Variants in NCOR1 observed in about 807,000 individuals in gnomAD.
NCOR1 encodes nuclear receptor corepressor 1, also known as protein phosphatase 1, regulatory subunit 109.
NCOR1 carries 63 observed loss-of-function variants against 288.1 expected under a neutral mutation model. That is an observed-to-expected ratio of 0.22 (90% confidence interval 0.18 to 0.27). The LOEUF is 0.27. Ranked by LOEUF, NCOR1 falls within the 10% of genes least tolerant of loss-of-function variation. The pLI is 1.00. For missense variants in NCOR1, 2,397 were observed against 3,019.2 expected (o/e 0.79, Z 4.83); for synonymous variants, 1,007 against 1,065.9 (o/e 0.94, Z 1.08).
chr17:16,211,263 AT>A (rs34875420), intron 1 of NCOR1, among the ~76,000 whole-genome samples: 68,306 of 147,464 alleles, frequency 0.46, 16,401 homozygotes, highest in Middle Eastern at 0.61. Flanking sequence ...ATTTTTATTT[AT>A]TTTTTTTTTT....
intron 34 of NCOR1, 57 bp from the exon 35 acceptor site, chr17:16,064,244 A>C: frequency 6.5e-7 from 1 of 1,548,838 alleles, no homozygotes; most frequent in Non-Finnish European, 8.7e-7. Flanking sequence ...TGAGTATATC[A>C]AACAATTCCG....
chr17:16,042,811 A>G (rs1427912756), intron 42 of NCOR1, among the ~76,000 whole-genome samples: 1 of 152,192 alleles, frequency 6.6e-6, no homozygotes, highest in Non-Finnish European at 1.5e-5. Flanking sequence ...AATTTTAGAT[A>G]TTTAAGGAGC....
At chr17:16,154,027 T>A (rs944439853) in intron 6 of NCOR1, among the ~76,000 whole-genome samples, 1 of 145,180 alleles carries the variant, frequency 6.9e-6, no homozygotes, top group Non-Finnish European at 1.5e-5. Context: ...TTTTTTTTTT[T>A]TTTTTTTTTT....
chr17:16,133,073 A>G (rs1189274264), intron 14 of NCOR1, among the ~76,000 whole-genome samples: 1 of 151,516 alleles, frequency 6.6e-6, no homozygotes. Context: ...GGTTCAAGCG[A>G]TTTTTCTACC....
intron 29 of NCOR1, 67 bp from the exon 30 acceptor site, chr17:16,071,732 G>A: frequency 1.4e-6 from 2 of 1,445,040 alleles, no homozygotes; most frequent in Non-Finnish European, 1.9e-6. Context: ...ACGGAACTGT[G>A]CACTTAAAAA....
chr17:16,127,294 T>TATGTATGTATATATACATGTATGTATAC (rs2074398544), intron 14 of NCOR1, among the ~76,000 whole-genome samples: 1 of 103,794 alleles, frequency 9.6e-6, no homozygotes, highest in Admixed American at 9.6e-5. Context: ...TGTATATATG[T>TATGTATGTATATATACATGTATGTATAC]ATGTATGTAT....
chr17:16,052,602 A>G (rs1374656403), intron 40 of NCOR1, among the ~76,000 whole-genome samples: 3 of 152,224 alleles, frequency 2.0e-5, no homozygotes, highest in Non-Finnish European at 4.4e-5. Flanking sequence ...AAATTGAGTC[A>G]GTAATAAATA....
intron 22 of NCOR1, 68 bp downstream of exon 22, chr17:16,091,795 C>T: frequency 1.9e-6 from 3 of 1,606,070 alleles, no homozygotes; most frequent in Non-Finnish European, 2.6e-6. Context: ...GCACAATGGA[C>T]ACTGCTTTTG....
intron 32 of NCOR1, among the ~76,000 whole-genome samples, chr17:16,066,848 T>A (rs996481580): frequency 6.6e-6 from 1 of 152,216 alleles, no homozygotes; most frequent in Admixed American, 6.5e-5. Context: ...ACTTTTAAAA[T>A]TTAGCATACT....
chr17:16,171,412 T>C lies in NCOR1; in HGVS notation c.435+391A>G, dbSNP rs142530685. Among the ~76,000 whole-genome samples, 32 of 152,322 alleles carry C rather than the reference T, an allele frequency of 2.1e-4. 1 individual carries two copies. Among genetic ancestry groups the C allele is most frequent in the African/African-American group, 7.2e-4 (30 of 41,566 alleles). The stretch of plus-strand genomic sequence containing the variant: ...TTACCTGGATGTGTTTTCTCCCATA[T>C]AGCAGTTAATAAACTGCTACTAAAT... On this transcript the variant is annotated intron_variant, in intron 4 of 45. Coordinates refer to ENST00000268712, the MANE Select transcript of NCOR1 (RefSeq NM_006311.4).
intron 22 of NCOR1, 69 bp from the exon 23 acceptor site, chr17:16,086,511 A>T: frequency 1.5e-6 from 2 of 1,360,550 alleles, no homozygotes; most frequent in Non-Finnish European, 2.0e-6. Context: ...TACCTCTCTC[A>T]GTCATTCCTG....
At chr17:16,086,034 A>G (rs1362739950) in intron 23 of NCOR1, among the ~76,000 whole-genome samples, 1 of 152,208 alleles carries the variant, frequency 6.6e-6, no homozygotes, top group Non-Finnish European at 1.5e-5. Flanking sequence ...GTGGTATGCC[A>G]AGTGCCAAGT....
At chr17:16,171,633 G>A (rs932301615) in intron 4 of NCOR1, among the ~76,000 whole-genome samples, 170 bp downstream of exon 4, 3 of 152,098 alleles carry the variant, frequency 2.0e-5, no homozygotes, top group African/African-American at 7.2e-5. Context: ...TTAGCAGTCT[G>A]GAGCACTCAT....
At chr17:16,157,211 T>C (rs1034834101) in intron 6 of NCOR1, among the ~76,000 whole-genome samples, 4 of 152,308 alleles carry the variant, frequency 2.6e-5, no homozygotes, top group African/African-American at 9.6e-5. Flanking sequence ...CTGTATATCC[T>C]GGAACACAGC....
chr17:16,047,794 AT>A (rs1485574020), intron 41 of NCOR1, among the ~76,000 whole-genome samples: 1 of 152,194 alleles, frequency 6.6e-6, no homozygotes. Context: ...ACCTAATCCA[AT>A]CATGTGGATT....
At chr17:16,106,854 C>CACATATATAT (rs1555652880) in intron 19 of NCOR1, among the ~76,000 whole-genome samples, 2 of 46,156 alleles carry the variant, frequency 4.3e-5, no homozygotes, top group African/African-American at 2.1e-4. Context: ...CTTGATCAGA[C>CACATATATAT]ATATATATAT....
At chr17:16,099,423 A>G (rs2067214099) in intron 20 of NCOR1, among the ~76,000 whole-genome samples, 1 of 152,208 alleles carries the variant, frequency 6.6e-6, no homozygotes, top group Admixed American at 6.5e-5. Flanking sequence ...TATATAAAGA[A>G]AGATTATATT....
intron 17 of NCOR1, among the ~76,000 whole-genome samples, chr17:16,119,020 CA>C (rs1215314638): frequency 1.3e-5 from 2 of 152,130 alleles, no homozygotes; most frequent in Non-Finnish European, 2.9e-5. Flanking sequence ...TGCAAACTGA[CA>C]AAAGTATTTA....
intron 27 of NCOR1, among the ~76,000 whole-genome samples, chr17:16,074,543 T>C (rs897967654): frequency 1.3e-5 from 2 of 152,152 alleles, no homozygotes; most frequent in Non-Finnish European, 2.9e-5. Flanking sequence ...ATGCCAGACG[T>C]GTAAAGGAGA....
Sources: allele counts gnomAD v4.1 joint callset (sites outside exome capture counted in the v4.1 genomes callset), GRCh38; gene constraint gnomAD v4.1.1; transcripts MANE v1.5; gene names NCBI Gene and HGNC (gene_info 2026-07-23, HGNC 2026-07-21).